GREB1: variants seen among roughly 807,000 people sequenced by gnomAD.
GREB1 encodes the protein growth regulating estrogen receptor binding 1, also known as protein GREB1.
A neutral mutation model predicts 200.7 loss-of-function variants in GREB1; 106 were observed. The observed-to-expected ratio is 0.53, with a 90% CI of 0.45 to 0.62. The LOEUF (loss-of-function observed/expected upper bound fraction) is 0.62, where lower values mean the gene tolerates loss of function less well. Ranked by LOEUF, GREB1 falls within the 20% of genes least tolerant of loss-of-function variation. The pLI, the probability that GREB1 is intolerant of heterozygous loss-of-function variation, is 0.00. For synonymous variants in GREB1, 1,132 were observed against 1,092.4 expected (o/e 1.04, Z -0.72); for missense variants, 2,243 against 2,556.8 (o/e 0.88, Z 2.65).
At position 11,576,521 on chromosome 2, in the gene GREB1, G is replaced by T. The variant is rs1354511955; in HGVS notation, c.623G>T (p.Cys208Phe). The part of the protein sequence containing the change: ...QGTLTKGPLI[C>F]WKGSEFRSRQ... ...ACTCTAACCAAAGGACCTTTAATCT[G>T]TTGGAAAGGCTCAGGTGAGCAGGTT... The change falls in exon 5 of 33, where the codon TGT (cysteine) becomes TTT (phenylalanine). Residue 208 changes from cysteine (C) to phenylalanine (F), a missense_variant. Coordinates refer to ENST00000381486, the MANE Select transcript of GREB1 (RefSeq NM_014668.4). 16 of 1,612,862 alleles carry T rather than the reference G, an allele frequency of 9.9e-6. No individual in the cohort carries two copies. The highest frequency in any genetic ancestry group is 1.4e-5 in the Non-Finnish European group (16 of 1,179,622).
intron 1 of GREB1, among the ~76,000 whole-genome samples, chr2:11,554,912 C>T (rs915996214): frequency 6.6e-6 from 1 of 152,046 alleles, no homozygotes; most frequent in African/African-American, 2.4e-5. Flanking sequence ...CTGAAGTCAC[C>T]CCCCATTGCT....
chr2:11,512,243 G>A (rs1245166189), intron 1 of GREB1, among the ~76,000 whole-genome samples: 2 of 152,138 alleles, frequency 1.3e-5, no homozygotes, highest in African/African-American at 2.4e-5. Context: ...ATTTTAAAAA[G>A]TTGACCACTA....
At chr2:11,610,426 T>C (rs1263117995) in intron 17 of GREB1, among the ~76,000 whole-genome samples, 1 of 152,246 alleles carries the variant, frequency 6.6e-6, no homozygotes, top group East Asian at 1.9e-4. Context: ...ATTGAGCAGC[T>C]ACTAAGTGCC....
At chr2:11,501,570 T>G (rs1336099151) in intron 1 of GREB1, among the ~76,000 whole-genome samples, 2 of 152,112 alleles carry the variant, frequency 1.3e-5, no homozygotes, top group Non-Finnish European at 2.9e-5. Context: ...ATTTTTGTAT[T>G]TTTAGTAGAG....
At chr2:11,494,429 G>A (rs1055181025) in intron 1 of GREB1, among the ~76,000 whole-genome samples, 3 of 152,250 alleles carry the variant, frequency 2.0e-5, no homozygotes, top group Non-Finnish European at 4.4e-5. Context: ...GGTGCCCAGT[G>A]CCATCCAGGT....
rs1328709456 is a variant in GREB1 at position 11,501,908 on chromosome 2, T to G, written c.-159+19527T>G. Reference sequence around the variant, plus strand: ...CCTGGATTTCCTGTTTTTTTTTGTTTTTTTTTTTTTTTTTTTTTTTTTTTT... The same window carrying G: ...CCTGGATTTCCTGTTTTTTTTTGTTGTTTTTTTTTTTTTTTTTTTTTTTTT... On this transcript the variant is annotated intron_variant, in intron 1 of 2. Coordinates refer to the GREB1 transcript ENST00000628795. Among the ~76,000 whole-genome samples, 15 of 95,194 alleles carry G rather than the reference T, an allele frequency of 1.6e-4. 2 individuals are homozygous for G. Among genetic ancestry groups the G allele is most frequent in the Middle Eastern group, 9.3e-3 (2 of 214 alleles). The allele number at this position is 95,194 out of a possible 152,430, so 62.5% of individuals were successfully genotyped here. A position where few individuals can be genotyped will look rare whatever the true frequency, so the allele number is the denominator to read the frequency against.
chr2:11,594,860 A>G (rs893244009), intron 11 of GREB1, among the ~76,000 whole-genome samples: 25 of 151,594 alleles, frequency 1.6e-4, no homozygotes, highest in African/African-American at 5.6e-4. Context: ...CACCCGGCTA[A>G]TTTTTTTGTA....
intron 18 of GREB1, 179 bp from the exon 19 acceptor site, chr2:11,612,316 T>C (rs1683009499): frequency 7.4e-7 from 1 of 1,344,264 alleles, no homozygotes; most frequent in Non-Finnish European, 9.6e-7. Flanking sequence ...TCTAGCCGAC[T>C]GAAAATACGG....
At chr2:11,582,872 T>C (rs954105037) in intron 7 of GREB1, among the ~76,000 whole-genome samples, 1 of 152,210 alleles carries the variant, frequency 6.6e-6, no homozygotes, top group African/African-American at 2.4e-5. Flanking sequence ...CACTCACTGG[T>C]TCGCAATGGA....
chr2:11,511,498 C>T (rs1177802149), intron 1 of GREB1, among the ~76,000 whole-genome samples: 1 of 152,048 alleles, frequency 6.6e-6, no homozygotes, highest in Admixed American at 6.6e-5. Context: ...GAAAGACTGG[C>T]TGGAACCAAA....
chr2:11,600,796 T>C lies in GREB1; in HGVS notation c.2334-4T>C, dbSNP rs1178883622. On this transcript the variant is annotated splice_polypyrimidine_tract_variant and splice_region_variant and intron_variant, in intron 15 of 32. Coordinates refer to ENST00000381486, the MANE Select transcript of GREB1 (RefSeq NM_014668.4). ...TCCACTGATTGTGTCTTCTCCTCCC[T>C]CAGTAGCACTGTTCATAACCTCTAT... 5.6e-6 allele frequency: 9 copies of C among 1,610,366 alleles called. No homozygotes were observed. Among genetic ancestry groups the C allele is most frequent in the Non-Finnish European group, 7.6e-6 (9 of 1,177,342 alleles).
chr2:11,641,146 G>T lies in GREB1; in HGVS notation c.*692G>T, dbSNP rs1446478464. 5 of 151,572 alleles carry T rather than the reference G, an allele frequency of 3.3e-5. No homozygotes were observed. Among genetic ancestry groups the T allele is most frequent in the African/African-American group, 9.7e-5 (4 of 41,380 alleles). The allele number at this position is 151,572 out of a possible 1,614,324, so 9.4% of individuals were successfully genotyped here. ...TTAAAACTAAAAGGGTTTTTTGGGG[G>T]GGGAGTTGGCGGGGAGGAAATAAGG... is the stretch of plus-strand genomic sequence containing the variant. On this transcript the variant is annotated 3_prime_UTR_variant, in exon 33 of 33. Coordinates refer to ENST00000381486, the MANE Select transcript of GREB1 (RefSeq NM_014668.4).
At chr2:11,587,883 T>C (rs748911297) in intron 9 of GREB1, 2 of 999,970 alleles carry the variant, frequency 2.0e-6, no homozygotes, top group African/African-American at 1.7e-5. Flanking sequence ...TGGAAAGATA[T>C]TTGAACCCGA....
chr2:11,587,402 CA>C, intron 9 of GREB1: 1 of 1,612,988 alleles, frequency 6.2e-7, no homozygotes, highest in Non-Finnish European at 8.5e-7. Context: ...TGGTGCTACC[CA>C]AATGGTAGCC....
intron 17 of GREB1, among the ~76,000 whole-genome samples, chr2:11,605,518 C>G (rs1312299865): frequency 1.3e-5 from 2 of 152,146 alleles, no homozygotes; most frequent in African/African-American, 4.8e-5. Flanking sequence ...GCCACCGTGC[C>G]CGGCTGTGCA....
At chr2:11,565,722 G>A (rs372862183) in intron 3 of GREB1, among the ~76,000 whole-genome samples, 1 of 152,162 alleles carries the variant, frequency 6.6e-6, no homozygotes. Flanking sequence ...GCTCTCGGCC[G>A]GCTCAGTGCC....
In GREB1 at chr2:11,580,708, A is replaced by G; in HGVS notation, c.777A>G (p.Pro259=). The change falls in exon 7 of 33, where the codon CCA becomes CCG. Residue 259 remains proline, a synonymous_variant. Transcript: ENST00000381486. This position sits in a 1 kb window ranked among gnomAD's most constrained non-coding sequence, Gnocchi z 4.5. ...SILMGAQQAG[P]ASDHPSLNAA... ...TTGCCTTCTATCTGTTTTCAGGACC[A>G]GCTTCTGATCACCCCTCACTAAACG... is the stretch of plus-strand genomic sequence containing the variant. 1.2e-6 allele frequency: 2 copies of G among 1,609,612 alleles called. No individual in the cohort carries two copies. The highest frequency in any genetic ancestry group is 1.1e-5 in the South Asian group (1 of 90,704).
rs781369991 is a variant in GREB1, at chr2:11,615,194, G to T, written c.3226G>T (p.Val1076Phe). The T allele has an allele frequency of 1.2e-6, 2 of 1,614,182 alleles. No individual in the cohort carries two copies. Among genetic ancestry groups the T allele is most frequent in the South Asian group, 1.1e-5 (1 of 91,072 alleles). ...GGCTGCCTACTTTGTGAGCAACGAGGTTCCCTTGGAGAAGGGGGCTAGGAA... is the reference window on the plus strand; with the variant it reads ...GGCTGCCTACTTTGTGAGCAACGAGTTTCCCTTGGAGAAGGGGGCTAGGAA... Reference protein sequence around the residue: ...GLAAYFVSNEVPLEKGARNEA... With the variant: ...GLAAYFVSNEFPLEKGARNEA... The change falls in exon 20 of 33, where the codon GTT becomes TTT. Residue 1076 changes from valine (V) to phenylalanine (F), a missense_variant. This residue lies in a region of GREB1 where 1,178 missense variants were observed against 1,387.4 expected (regional missense o/e 0.85). Coordinates refer to ENST00000381486, the MANE Select transcript of GREB1 (RefSeq NM_014668.4).
chr2:11,611,180 C>T (rs1281710329), intron 18 of GREB1, among the ~76,000 whole-genome samples, 153 bp downstream of exon 18: 3 of 152,124 alleles, frequency 2.0e-5, no homozygotes, highest in East Asian at 1.9e-4. Context: ...CTGTGCTTCC[C>T]CACCTCTGCC....
Sources: allele counts gnomAD v4.1 joint callset (sites outside exome capture counted in the v4.1 genomes callset), GRCh38; gene constraint gnomAD v4.1.1; regional missense constraint gnomAD v4.1.1; non-coding constraint Gnocchi (gnomAD v3.1); transcripts MANE v1.5; gene names NCBI Gene and HGNC (gene_info 2026-07-23, HGNC 2026-07-21).